KIAA1671: variants seen among roughly 807,000 people sequenced by gnomAD.
KIAA1671 encodes uncharacterized protein KIAA1671.
KIAA1671 carries 52 observed loss-of-function variants against 131.2 expected under a neutral mutation model. The observed-to-expected ratio is 0.40, with a 90% CI of 0.32 to 0.50. KIAA1671 has a LOEUF of 0.50. KIAA1671 is among the 20% of genes least tolerant of loss of function. KIAA1671 has a pLI of 0.73. For missense variants in KIAA1671, 2,360 were observed against 2,364.2 expected, an observed-to-expected ratio of 1.00 and a Z score of 0.04; for synonymous variants, 1,003 against 961.6, an observed-to-expected ratio of 1.04 and a Z score of -0.80.
chr22:25,186,453 A>G (rs1934478988), intron 11 of KIAA1671: 1 of 152,016 alleles, frequency 6.6e-6, no homozygotes, highest in African/African-American at 2.4e-5. Context: ...ATAAAGAAAA[A>G]AAATTAGCTG....
chr22:25,092,988 T>G (rs938323004), intron 6 of KIAA1671, among the ~76,000 whole-genome samples: 7 of 152,068 alleles, frequency 4.6e-5, no homozygotes, highest in Non-Finnish European at 7.4e-5. Context: ...CAGCTGAGTA[T>G]GGATGGGGGA....
In KIAA1671 at chr22:25,039,362, C is replaced by T; in HGVS notation, c.2232C>T (p.His744=). 1.3e-6 allele frequency: 2 copies of T among 1,551,874 alleles called. No homozygotes were observed. Among genetic ancestry groups the T allele is most frequent in the Non-Finnish European group, 8.7e-7 (1 of 1,147,038 alleles). Residue 744 remains histidine (H), a synonymous_variant, in exon 5 of 13, where the codon CAC becomes CAT. Transcript: ENST00000358431. ...TGCATGCAGTGGGAGAGCGTGTGCACAGCGAGGCCATCTCACCGGCACCGG... is the reference window on the plus strand; with the variant it reads ...TGCATGCAGTGGGAGAGCGTGTGCATAGCGAGGCCATCTCACCGGCACCGG... ...DIVHAVGERV[H]SEAISPAPEE...
chr22:25,008,734 G>A (rs1924876759), intron 1 of KIAA1671, among the ~76,000 whole-genome samples: 1 of 152,192 alleles, frequency 6.6e-6, no homozygotes, highest in Non-Finnish European at 1.5e-5. Context: ...ATTTGAGGAT[G>A]ATAATGACTA....
rs1414001961 is a variant in KIAA1671, at chr22:25,039,554, T to C, written c.2424T>C (p.Ala808=). The C allele has an allele frequency of 1.3e-6, 2 of 1,551,770 alleles. No individual in the cohort carries two copies. Residue 808 remains alanine (A), a synonymous_variant, in exon 5 of 13, where the codon GCT becomes GCC. Coordinates refer to ENST00000358431, the MANE Select transcript of KIAA1671 (RefSeq NM_001145206.2). Reference sequence around the variant, plus strand: ...GGGAAGCTCGAGGCATGCCTGAGGCTAGTGGACCGAAGTTTGGGGGCAATT... The same window carrying C: ...GGGAAGCTCGAGGCATGCCTGAGGCCAGTGGACCGAAGTTTGGGGGCAATT... The part of the protein sequence containing the change: ...LIWEARGMPE[A]SGPKFGGNCP...
rs1932812125 is a variant in KIAA1671, at chr22:25,141,862, G to A, written c.4531-28958G>A. Among the ~76,000 whole-genome samples the A allele has an allele frequency of 5.3e-5, 8 of 152,346 alleles. No homozygotes were observed. In the South Asian group the frequency reaches 1.7e-3, roughly 32 times the overall value. ...GGCATCTTCCAAAGTGTGGCATTCA[G>A]TAGATGTGATTTGGAACCCTGGCTC... is the stretch of plus-strand genomic sequence containing the variant. On this transcript the variant is annotated intron_variant, in intron 6 of 12. Coordinates refer to ENST00000358431, the MANE Select transcript of KIAA1671 (RefSeq NM_001145206.2).
intron 11 of KIAA1671, 131 bp downstream of exon 11, chr22:25,185,250 G>A: frequency 9.7e-7 from 1 of 1,025,898 alleles, no homozygotes; most frequent in Non-Finnish European, 1.4e-6. Context: ...AGCAGCAGAA[G>A]CTTTGTTCAT....
In KIAA1671 at chr22:25,150,836, C is replaced by CT. The variant is rs1324671566; in HGVS notation, c.4531-19970dup. 3.7e-3 allele frequency among the ~76,000 whole-genome samples: 462 copies of CT among 125,910 alleles called. 12 individuals are homozygous for CT. Among genetic ancestry groups the CT allele is most frequent in the Middle Eastern group, 8.9e-3 (2 of 224 alleles). The allele number at this position is 125,910 out of a possible 152,430, so 82.6% of individuals were successfully genotyped here. On this transcript the variant is annotated intron_variant, in intron 6 of 12. Coordinates refer to ENST00000358431, the MANE Select transcript of KIAA1671 (RefSeq NM_001145206.2). Reference sequence around the variant, plus strand: ...TTATGACTGTGTTCTGGGTCCTTTGCTTTTTTTTTTTTTTGAGATGGAGTC... The same window carrying CT: ...TTATGACTGTGTTCTGGGTCCTTTGCTTTTTTTTTTTTTTTGAGATGGAGTC...
At chr22:25,148,323 C>T (rs533768950) in intron 6 of KIAA1671, among the ~76,000 whole-genome samples, 5 of 151,548 alleles carry the variant, frequency 3.3e-5, no homozygotes, top group Admixed American at 6.6e-5. Context: ...TCAGTCCCAG[C>T]CCTCCCACAG....
At chr22:25,137,169 A>G (rs772970533) in intron 6 of KIAA1671, among the ~76,000 whole-genome samples, 7 of 152,190 alleles carry the variant, frequency 4.6e-5, no homozygotes, top group Non-Finnish European at 7.3e-5. Flanking sequence ...TCTGTAATTG[A>G]TTATTGATGT....
At chr22:24,980,051 A>G (rs1215785867) in intron 1 of KIAA1671, among the ~76,000 whole-genome samples, 3 of 148,340 alleles carry the variant, frequency 2.0e-5, no homozygotes, top group Non-Finnish European at 4.5e-5. Context: ...TGCAACCTCC[A>G]CTTCCCAGGT....
intron 6 of KIAA1671, among the ~76,000 whole-genome samples, chr22:25,161,919 G>A (rs924918898): frequency 2.6e-5 from 4 of 152,066 alleles, no homozygotes; most frequent in African/African-American, 9.7e-5. Flanking sequence ...TCTATAAAAT[G>A]GTTATTGAGG....
At chr22:24,979,180 T>TTTTTA (rs1923084367) in intron 1 of KIAA1671, among the ~76,000 whole-genome samples, 2 of 141,802 alleles carry the variant, frequency 1.4e-5, no homozygotes, top group East Asian at 4.1e-4. Flanking sequence ...ATTTTTTTTT[T>TTTTTA]TTTTTTTTTT....
At chr22:25,031,619 G>A (rs866839502) in intron 3 of KIAA1671, among the ~76,000 whole-genome samples, 3 of 152,118 alleles carry the variant, frequency 2.0e-5, no homozygotes, top group Non-Finnish European at 2.9e-5. Flanking sequence ...CATGAGCCAC[G>A]GCACCCGGCC....
rs781717281 is a variant in KIAA1671, at chr22:25,194,315, A to G, written c.*1914A>G. 2.6e-5 allele frequency: 4 copies of G among 152,338 alleles called. No individual in the cohort carries two copies. The highest frequency in any genetic ancestry group is 4.8e-5 in the African/African-American group (2 of 41,538). 9.4% of individuals were successfully genotyped at this position (152,338 alleles called of 1,614,324 possible). On this transcript the variant is annotated 3_prime_UTR_variant, in exon 13 of 13. Transcript: ENST00000358431. ...GGTCTCGAACTTCTGGGCTCAAGCAATTGTCCCTCCTCAGCCTCCCAAAGT... is the reference window on the plus strand; with the variant it reads ...GGTCTCGAACTTCTGGGCTCAAGCAGTTGTCCCTCCTCAGCCTCCCAAAGT...
chr22:25,054,343 A>G (rs1315680731), intron 6 of KIAA1671: 1 of 149,506 alleles, frequency 6.7e-6, no homozygotes, highest in East Asian at 2.0e-4. Context: ...TTTCTCACAG[A>G]TACACAGGCT....
chr22:25,161,562 C>T (rs1933445110), intron 6 of KIAA1671, among the ~76,000 whole-genome samples: 1 of 152,208 alleles, frequency 6.6e-6, no homozygotes, highest in African/African-American at 2.4e-5. Context: ...GAGTGCCGGT[C>T]AAGTGGGACC....
In KIAA1671 at chr22:25,092,517, G is replaced by A. The variant is rs116957169; in HGVS notation, c.4530+43153G>A. Among the ~76,000 whole-genome samples, 4 of 152,286 alleles carry A rather than the reference G, an allele frequency of 2.6e-5. No homozygotes were observed. The East Asian group carries it at 7.7e-4, about 29-fold the overall frequency. ...AGCATTTTTGGTGGAGGCTAACCTCGTAGGATGGAGAACTGTCAAGCCCAG... is the reference window on the plus strand; with the variant it reads ...AGCATTTTTGGTGGAGGCTAACCTCATAGGATGGAGAACTGTCAAGCCCAG... On this transcript the variant is annotated intron_variant, in intron 6 of 12. Transcript: ENST00000358431.
Position 25,029,216 on chromosome 22 carries a change from G to C in KIAA1671, c.1217G>C (p.Arg406Thr), listed in dbSNP as rs1926130138. 1.1e-5 allele frequency: 16 copies of C among 1,460,850 alleles called. No individual in the cohort carries two copies. In the South Asian group the frequency reaches 2.3e-4, roughly 21 times the overall value. 90.5% of individuals were successfully genotyped at this position (1,460,850 alleles called of 1,614,324 possible). A position where few individuals can be genotyped will look rare whatever the true frequency, so the allele number is the denominator to read the frequency against. Residue 406 changes from arginine to threonine, a missense_variant, in exon 3 of 13, where the codon AGG becomes ACG. Around this residue, in one of 3 missense-constraint regions of KIAA1671, gnomAD observed 1,185 missense variants for 1,126.2 expected, o/e 1.05. Transcript: ENST00000358431. Reference protein sequence around the residue: ...PEKAAESPSPRLGRGLELAEV... With the variant: ...PEKAAESPSPTLGRGLELAEV... ...AAGGCTGCTGAGTCCCCCTCACCCA[G>C]GCTGGGAAGGGGCCTAGAACTTGCT...
In KIAA1671 at chr22:25,016,625, C is replaced by T. The variant is rs866719576; in HGVS notation, c.-207-9008C>T. Among the ~76,000 whole-genome samples, 7 of 152,230 alleles carry T rather than the reference C, an allele frequency of 4.6e-5. No individual in the cohort carries two copies. In the South Asian group the frequency reaches 1.4e-3, roughly 32 times the overall value. ...GTGGAGGACATGGATTCCATTTTTA[C>T]AAAATATCCAGAAATGACAAATCCA... On this transcript the variant is annotated intron_variant, in intron 1 of 12. Coordinates refer to ENST00000358431, the MANE Select transcript of KIAA1671 (RefSeq NM_001145206.2).
Sources: allele counts gnomAD v4.1 joint callset (sites outside exome capture counted in the v4.1 genomes callset), GRCh38; gene constraint gnomAD v4.1.1; regional missense constraint gnomAD v4.1.1; transcripts MANE v1.5; gene names NCBI Gene and HGNC (gene_info 2026-07-23, HGNC 2026-07-21).